DYNC2H1: variants seen among roughly 807,000 people sequenced by gnomAD.
The protein encoded by DYNC2H1 is cytoplasmic dynein 2 heavy chain 1.
DYNC2H1 carries 410 observed loss-of-function variants against 570.0 expected under a neutral mutation model. That is an observed-to-expected ratio of 0.72 (90% CI 0.66 to 0.78). The LOEUF is 0.78. Ranked by LOEUF, DYNC2H1 falls within the 30% of genes least tolerant of loss-of-function variation. The pLI is 0.00. For missense variants in DYNC2H1, 4,865 were observed against 5,046.4 expected, an observed-to-expected ratio of 0.96 and a Z score of 1.09; for synonymous variants, 1,688 against 1,677.6, an observed-to-expected ratio of 1.01 and a Z score of -0.15.
At chr11:103,353,552 ATTAC>A (rs1422871313) in intron 82 of DYNC2H1, among the ~76,000 whole-genome samples, 2 of 152,178 alleles carry the variant, frequency 1.3e-5, no homozygotes, top group Admixed American at 6.5e-5. Context: ...AGTTTTTGCC[ATTAC>A]TTTTAATGAC....
intron 88 of DYNC2H1, among the ~76,000 whole-genome samples, chr11:103,471,746 A>G (rs1173709646): frequency 6.6e-6 from 1 of 152,226 alleles, no homozygotes; most frequent in Non-Finnish European, 1.5e-5. Context: ...TGGGGTTACG[A>G]AGATAAACAG....
chr11:103,470,383 A>G (rs1945334180), intron 88 of DYNC2H1, among the ~76,000 whole-genome samples: 1 of 152,206 alleles, frequency 6.6e-6, no homozygotes, highest in African/African-American at 2.4e-5. Context: ...TTTATCCTAT[A>G]GAAGAGATGA....
rs901107170 is a variant in DYNC2H1 at position 103,201,814 on chromosome 11, T to G, written c.8197+1660T>G. Among the ~76,000 whole-genome samples, 1 of 152,168 alleles carries G rather than the reference T, an allele frequency of 6.6e-6. No individual in the cohort carries two copies. Among genetic ancestry groups the G allele is most frequent in the East Asian group, 1.9e-4 (1 of 5,194 alleles). On this transcript the variant is annotated intron_variant, in intron 50 of 88. Transcript: ENST00000375735. The surrounding 1 kb of genome is among the most constrained non-coding windows in gnomAD (Gnocchi z 4.8). ...AGAATATTTCTATGAGTAATCACTG[T>G]TAGTGATTGGGAGGAAGTAGCTTAG...
intron 59 of DYNC2H1, among the ~76,000 whole-genome samples, chr11:103,229,792 G>A (rs1863936798): frequency 6.6e-6 from 1 of 152,024 alleles, no homozygotes; most frequent in South Asian, 2.1e-4. Context: ...TATATGGGCT[G>A]GAACATATTT....
In DYNC2H1 at chr11:103,185,081, C is replaced by G. The variant is rs1057119642; in HGVS notation, c.6633+30C>G. The G allele has an allele frequency of 1.9e-6, 3 of 1,584,362 alleles. No homozygotes were observed. The highest frequency in any genetic ancestry group is 2.6e-6 in the Non-Finnish European group (3 of 1,162,114). On this transcript the variant is annotated intron_variant, in intron 41 of 88. Transcript: ENST00000375735. This position sits in a 1 kb window ranked among gnomAD's most constrained non-coding sequence, Gnocchi z 4.5. The stretch of plus-strand genomic sequence containing the variant: ...TGCATATTTATAGCCTATATTTAGT[C>G]AAAACTTTAACTTTTCATTAACTCT...
At chr11:103,211,685 G>C (rs1863159697) in intron 53 of DYNC2H1, 104 bp from the exon 54 acceptor site, 1 of 486,848 alleles carries the variant, frequency 2.1e-6, no homozygotes, top group Admixed American at 4.1e-5. Context: ...TAACTATATA[G>C]CATGGAAGTA....
At position 103,321,041 on chromosome 11, in the gene DYNC2H1, T is replaced by A; in HGVS notation, c.11738T>A (p.Val3913Glu). The A allele has an allele frequency of 1.2e-6, 2 of 1,609,312 alleles. No homozygotes were observed. The highest frequency in any genetic ancestry group is 1.7e-6 in the Non-Finnish European group (2 of 1,178,118). The change falls in exon 81 of 89, where the codon GTA becomes GAA. Residue 3913 changes from valine (V) to glutamate (E), a missense_variant. Physicochemically the swap from Val to Glu is moderately radical, Grantham distance 121. Transcript: ENST00000375735. Reference sequence around the variant, plus strand: ...TTTAAAATTATAGGTGCCAAAGATGTACAATGGGAATTTGTACATGGTTTA... The same window carrying A: ...TTTAAAATTATAGGTGCCAAAGATGAACAATGGGAATTTGTACATGGTTTA... ...IDRLFDGAKD[V>E]QWEFVHGLLE... is the part of the protein sequence containing the mutation.
At chr11:103,406,964 A>G (rs1942887247) in intron 84 of DYNC2H1, 1 of 151,930 alleles carries the variant, frequency 6.6e-6, no homozygotes, top group African/African-American at 2.4e-5. Flanking sequence ...AAGGATGAAA[A>G]TCGATTAATA....
intron 70 of DYNC2H1, among the ~76,000 whole-genome samples, chr11:103,274,852 T>G (rs1865846318): frequency 6.6e-6 from 1 of 152,118 alleles, no homozygotes; most frequent in Non-Finnish European, 1.5e-5. Flanking sequence ...CCCAACACTT[T>G]GGGAGGCTGA....
intron 70 of DYNC2H1, among the ~76,000 whole-genome samples, chr11:103,271,911 A>C (rs1209794351): frequency 1.3e-5 from 2 of 152,232 alleles, no homozygotes; most frequent in African/African-American, 4.8e-5. Flanking sequence ...ATCATTAAAA[A>C]GTCAGGAAAC....
intron 82 of DYNC2H1, among the ~76,000 whole-genome samples, chr11:103,348,842 G>A (rs181021544): frequency 6.6e-6 from 1 of 152,178 alleles, no homozygotes; most frequent in East Asian, 1.9e-4. Context: ...ATTATGGGAG[G>A]CAGTTTCCCC....
intron 74 of DYNC2H1, 116 bp downstream of exon 74, chr11:103,286,502 T>C: frequency 8.1e-7 from 1 of 1,236,758 alleles, no homozygotes; most frequent in Non-Finnish European, 1.1e-6. Context: ...AATGGCGTAT[T>C]TGGGGAAGGG....
In DYNC2H1 at chr11:103,129,014, G is replaced by A. The variant is rs1859134953; in HGVS notation, c.1953+9G>A. 3 of 1,585,862 alleles carry A rather than the reference G, an allele frequency of 1.9e-6. No homozygotes were observed. The highest frequency in any genetic ancestry group is 3.5e-5 in the Admixed American group (2 of 57,822). ...TTGAACAGATAATTAAGGTAAATGG[G>A]CTTTTAATTTTATTATAATTAGATT... On this transcript the variant is annotated intron_variant, in intron 13 of 88. Transcript: ENST00000375735. The surrounding 1 kb of genome is among the most constrained non-coding windows in gnomAD (Gnocchi z 4.1).
At chr11:103,460,608 T>C (rs934728021) in intron 87 of DYNC2H1, among the ~76,000 whole-genome samples, 2 of 150,724 alleles carry the variant, frequency 1.3e-5, no homozygotes, top group African/African-American at 4.9e-5. Context: ...CAGTTATGAG[T>C]AGACTTCAAT....
intron 4 of DYNC2H1, among the ~76,000 whole-genome samples, chr11:103,115,734 G>A (rs575942932): frequency 1.7e-4 from 26 of 152,098 alleles, no homozygotes; most frequent in Middle Eastern, 3.4e-3. Context: ...TGCAGTGAGC[G>A]GAGATCGTGC....
intron 56 of DYNC2H1, 72 bp from the exon 57 acceptor site, chr11:103,220,551 A>T: frequency 4.2e-6 from 6 of 1,417,366 alleles, no homozygotes. Context: ...ACAATAAAAC[A>T]TAATTTTTCA....
chr11:103,414,719 G>T (rs1213981311), intron 84 of DYNC2H1, among the ~76,000 whole-genome samples: 5 of 151,826 alleles, frequency 3.3e-5, no homozygotes, highest in African/African-American at 4.8e-5. Flanking sequence ...AAATTCACAA[G>T]CATTCCTATA....
Position 103,280,324 on chromosome 11 carries a change from G to T in DYNC2H1, c.10696-24G>T. 6.4e-7 allele frequency: 1 copy of T among 1,550,666 alleles called. No homozygotes were observed. On this transcript the variant is annotated intron_variant, in intron 70 of 88. Transcript: ENST00000375735. This position sits in a 1 kb window ranked among gnomAD's most constrained non-coding sequence, Gnocchi z 4.7. ...AAAGACACAAATTTTTAAAAGGCAA[G>T]ATAATATCTGTTATTCTTTGCAGGC...
intron 81 of DYNC2H1, 30 bp downstream of exon 81, chr11:103,321,267 T>A: frequency 6.4e-7 from 1 of 1,552,776 alleles, no homozygotes; most frequent in African/African-American, 1.4e-5. Flanking sequence ...TTCAATCTAT[T>A]TCCAGGTAGA....
Sources: allele counts gnomAD v4.1 joint callset (sites outside exome capture counted in the v4.1 genomes callset), GRCh38; gene constraint gnomAD v4.1.1; non-coding constraint Gnocchi (gnomAD v3.1); transcripts MANE v1.5; gene names NCBI Gene and HGNC (gene_info 2026-07-23, HGNC 2026-07-21).